The following MAMDC4 variants were observed in gnomAD, a reference collection of about 807,000 sequenced individuals.
The protein encoded by MAMDC4 is apical endosomal glycoprotein.
Under a neutral mutation model 153.3 loss-of-function variants are expected in MAMDC4, and 168 were observed. The observed-to-expected ratio is 1.10, with a 90% confidence interval of 0.97 to 1.25. MAMDC4 has a LOEUF of 1.25. MAMDC4 is among the 50% of genes most tolerant of loss of function. The probability of loss-of-function intolerance (pLI) is 0.00; values close to 1 mark genes in which losing one functional copy is unlikely to be tolerated. For missense variants in MAMDC4, 1,701 were observed against 1,542.8 expected, an observed-to-expected ratio of 1.10 and a Z score of -1.72; for synonymous variants, 744 against 651.5, an observed-to-expected ratio of 1.14 and a Z score of -2.16.
At chr9:136,854,357 C>T in intron 7 of MAMDC4, 21 bp downstream of exon 7, 1 of 1,525,278 alleles carries the variant, frequency 6.6e-7, no homozygotes, top group Non-Finnish European at 8.8e-7. Flanking sequence ...AGTGGGGGCC[C>T]AGAGTGAGGC....
Position 136,858,006 on chromosome 9 carries a change from G to C in MAMDC4, c.2492G>C (p.Arg831Pro). The change falls in exon 20 of 27, where the codon CGC becomes CCC. Residue 831 changes from arginine (R) to proline (P), a missense_variant. Physicochemically the swap from Arg to Pro is moderately radical, Grantham distance 103. Transcript: ENST00000317446. ...ACCCTGCGGGTCTACCTGGAGGAGC[G>C]CGGGAGGCACCAGGTGCTCAGCCTC... ...PGTLRVYLEE[R>P]GRHQVLSLSA... The C allele has an allele frequency of 1.3e-6, 2 of 1,524,058 alleles. No homozygotes were observed. The highest frequency in any genetic ancestry group is 1.8e-6 in the Non-Finnish European group (2 of 1,139,276). The allele number at this position is 1,524,058 out of a possible 1,614,324, so 94.4% of individuals were successfully genotyped here.
At chr9:136,852,953 G>A (rs529022497) in intron 1 of MAMDC4, 149 bp from the exon 2 acceptor site, 275 of 670,578 alleles carry the variant, frequency 4.1e-4, no homozygotes, top group Admixed American at 9.7e-4. Flanking sequence ...GGAGTTCTCT[G>A]TGGGTCCCAG....
Position 136,859,241 on chromosome 9 carries a change from A to T in MAMDC4, c.3117A>T (p.Pro1039=). The change falls in exon 25 of 27, where the codon CCA becomes CCT. Residue 1039 remains proline (P), a synonymous_variant. Transcript: ENST00000317446. ...TTGAAGCCACTCTGGGCGGCCAGCC[A>T]GCCCTGGGGCCCATTGCCCTGGATG... ...IVFEATLGGQ[P]ALGPIALDDV... is the part of the protein sequence containing the mutation. The T allele has an allele frequency of 6.2e-7, 1 of 1,612,062 alleles. No homozygotes were observed. Among genetic ancestry groups the T allele is most frequent in the South Asian group, 1.1e-5 (1 of 90,982 alleles).
chr9:136,859,117 T>C lies in MAMDC4; in HGVS notation c.3069T>C (p.Ser1023=). ...TGGAGGCCCAGGTGGAGGTAGCCAGTGCCAAGGAGTTCCAGGTGAGGCTGG... is the reference window on the plus strand; with the variant it reads ...TGGAGGCCCAGGTGGAGGTAGCCAGCGCCAAGGAGTTCCAGGTGAGGCTGG... ...QWLEAQVEVA[S]AKEFQIVFEA... The change falls in exon 24 of 27, where the codon AGT becomes AGC. Residue 1023 remains serine, a synonymous_variant. Coordinates refer to ENST00000317446, the MANE Select transcript of MAMDC4 (RefSeq NM_206920.3). The C allele has an allele frequency of 6.4e-7, 1 of 1,558,812 alleles. No individual in the cohort carries two copies. The highest frequency in any genetic ancestry group is 8.7e-7 in the Non-Finnish European group (1 of 1,151,856).
intron 9 of MAMDC4, 34 bp from the exon 10 acceptor site, chr9:136,854,903 G>T: frequency 6.2e-7 from 1 of 1,612,510 alleles, no homozygotes; most frequent in Non-Finnish European, 8.5e-7. Flanking sequence ...TGGCTGCCCC[G>T]GTGCAGGCCC....
At chr9:136,856,232 C>T (rs1231460061) in intron 14 of MAMDC4, 83 bp downstream of exon 14, 3 of 1,600,902 alleles carry the variant, frequency 1.9e-6, no homozygotes, top group African/African-American at 1.3e-5. Context: ...GGGTGACCCA[C>T]AGTGCCCCCC....
Position 136,857,968 on chromosome 9 carries a change from C to G in MAMDC4, c.2465-11C>G. On this transcript the variant is annotated splice_polypyrimidine_tract_variant and intron_variant, in intron 19 of 26. Transcript: ENST00000317446. ...CCCCACACTGCTGACCTGGGCCGCCCCTGCTGGCAGGCACCCTGCGGGTCT... is the reference window on the plus strand; with the variant it reads ...CCCCACACTGCTGACCTGGGCCGCCGCTGCTGGCAGGCACCCTGCGGGTCT... 3 of 1,499,024 alleles carry G rather than the reference C, an allele frequency of 2.0e-6. No individual in the cohort carries two copies. The highest frequency in any genetic ancestry group is 8.9e-7 in the Non-Finnish European group (1 of 1,128,178). 92.9% of individuals were successfully genotyped at this position (1,499,024 alleles called of 1,614,324 possible).
chr9:136,859,803 G>A (rs955621846), intron 25 of MAMDC4, 83 bp from the exon 26 acceptor site: 2 of 1,459,106 alleles, frequency 1.4e-6, no homozygotes, highest in East Asian at 2.3e-5. Context: ...CAGAGGCTGA[G>A]GGACCATGCA....
chr9:136,858,147 C>T (rs1291324769), intron 20 of MAMDC4, 39 bp from the exon 21 acceptor site: 1 of 1,541,678 alleles, frequency 6.5e-7, no homozygotes, highest in Non-Finnish European at 8.7e-7. Context: ...CCGAGGGCTG[C>T]CTGGACCCGC....
Position 136,859,928 on chromosome 9 carries a change from G to C in MAMDC4, c.3236G>C (p.Ser1079Thr), listed in dbSNP as rs769499317. The C allele has an allele frequency of 5.0e-6, 8 of 1,612,768 alleles. No individual in the cohort carries two copies. In the East Asian group the frequency reaches 1.6e-4, roughly 31 times the overall value. ...APGSVPAVVG[S>T]ALLLLMLLVL... ...GGGTCTGTGCCAGCTGTGGTTGGCA[G>C]TGCCCTCCTATTGCTCATGCTCCTG... is the stretch of plus-strand genomic sequence containing the variant. Residue 1079 changes from serine to threonine, a missense_variant, in exon 26 of 27, where the codon AGT (serine) becomes ACT (threonine). By Grantham distance (58) the Ser-to-Thr change is moderately conservative (BLOSUM62 1). Transcript: ENST00000317446.
Position 136,856,905 on chromosome 9 carries a change from A to G in MAMDC4, c.1838-2A>G. ...TGCAGCACAGCCCCATGCCCCCTGC[A>G]GGCCACTTTGTGCTCCTGGACCCCA... is the stretch of plus-strand genomic sequence containing the variant. On this transcript the variant is annotated splice_acceptor_variant, in intron 15 of 26. Coordinates refer to ENST00000317446, the MANE Select transcript of MAMDC4 (RefSeq NM_206920.3). LOFTEE classifies it high-confidence loss of function. 6.2e-7 allele frequency: 1 copy of G among 1,609,538 alleles called. No homozygotes were observed. The highest frequency in any genetic ancestry group is 8.5e-7 in the Non-Finnish European group (1 of 1,177,498).
intron 3 of MAMDC4, 24 bp from the exon 4 acceptor site, chr9:136,853,521 C>T (rs1306089052): frequency 6.2e-7 from 1 of 1,612,572 alleles, no homozygotes; most frequent in African/African-American, 1.3e-5. Context: ...CCTGCCCCGT[C>T]TCCTGACCTC....
Position 136,854,767 on chromosome 9 carries a change from T to C in MAMDC4, c.940T>C (p.Phe314Leu), listed in dbSNP as rs752401048. Residue 314 changes from phenylalanine (F) to leucine (L), a missense_variant, in exon 9 of 27, where the codon TTC (phenylalanine) becomes CTC (leucine). Phe to Leu is a conservative substitution (Grantham distance 22). Coordinates refer to ENST00000317446, the MANE Select transcript of MAMDC4 (RefSeq NM_206920.3). ...ACTCCCGTCCTTTCCCGCAGGCTCC[T>C]TCCTGGTCTCCGTGGCCGAGCCTGG... The part of the protein sequence containing the change: ...DHSRNSAQGS[F>L]LVSVAEPGTP... 6.2e-7 allele frequency: 1 copy of C among 1,612,710 alleles called. No homozygotes were observed. The highest frequency in any genetic ancestry group is 8.5e-7 in the Non-Finnish European group (1 of 1,179,844).
intron 25 of MAMDC4, 43 bp downstream of exon 25, chr9:136,859,360 G>A: frequency 1.3e-6 from 2 of 1,541,616 alleles, no homozygotes; most frequent in Non-Finnish European, 8.8e-7. Context: ...AGGGCCCAAG[G>A]GGCCAGCCTG....
chr9:136,857,314 C>A lies in MAMDC4; in HGVS notation c.2106+16C>A. 6.2e-7 allele frequency: 1 copy of A among 1,606,142 alleles called. No individual in the cohort carries two copies. The highest frequency in any genetic ancestry group is 8.5e-7 in the Non-Finnish European group (1 of 1,177,514). ...CCAGTACCAGGTGAGGCCTGGCACC[C>A]GGGTGGGAGGACAGGGCAGGGCCCC... On this transcript the variant is annotated intron_variant, in intron 17 of 26. Transcript: ENST00000317446.
chr9:136,860,171 G>A (rs1437964769), intron 26 of MAMDC4, 107 bp downstream of exon 26: 2 of 1,288,564 alleles, frequency 1.6e-6, no homozygotes, highest in Admixed American at 2.7e-5. Flanking sequence ...CCCCACCTGT[G>A]CAAGGCCCAT....
rs1261482356 is a variant in MAMDC4, at chr9:136,859,033, C to T, written c.2985C>T (p.His995=). ...FYKGELKVLL[H]SAQGQLAVWG... Reference sequence around the variant, plus strand: ...AGGGGGAGCTGAAGGTACTGCTGCACAGTGCTCAGGGCCAGCTGGCTGTGT... The same window carrying T: ...AGGGGGAGCTGAAGGTACTGCTGCATAGTGCTCAGGGCCAGCTGGCTGTGT... The change falls in exon 24 of 27, where the codon CAC becomes CAT. Residue 995 remains histidine, a synonymous_variant. Coordinates refer to ENST00000317446, the MANE Select transcript of MAMDC4 (RefSeq NM_206920.3). 1.3e-6 allele frequency: 2 copies of T among 1,550,724 alleles called. No individual in the cohort carries two copies. The highest frequency in any genetic ancestry group is 2.4e-5 in the South Asian group (2 of 84,076).
chr9:136,858,847 C>T lies in MAMDC4; in HGVS notation c.2950C>T (p.His984Tyr), dbSNP rs373460156. 221 of 1,607,758 alleles carry T rather than the reference C, an allele frequency of 1.4e-4. No individual in the cohort carries two copies. The highest frequency in any genetic ancestry group is 1.8e-4 in the Non-Finnish European group (215 of 1,177,430). Residue 984 changes from histidine (H) to tyrosine (Y), a missense_variant, in exon 23 of 27, where the codon CAC becomes TAC. Transcript: ENST00000317446. ...CTGGTACCACATGGGTTTTCCTGAGCACTTCTGTGAGTCCGGCTGGGCCAA... is the reference window on the plus strand; with the variant it reads ...CTGGTACCACATGGGTTTTCCTGAGTACTTCTGTGAGTCCGGCTGGGCCAA... The part of the protein sequence containing the change: ...RFWYHMGFPE[H>Y]FYKGELKVLL...
At chr9:136,860,197 C>T in intron 26 of MAMDC4, 133 bp downstream of exon 26, 1 of 1,068,184 alleles carries the variant, frequency 9.4e-7, no homozygotes, top group South Asian at 1.7e-5. Flanking sequence ...CCCTCCCTGC[C>T]CTGCCTCTCC....
Sources: gnomAD v4.1 joint callset for allele counts on GRCh38, gnomAD v4.1.1 for gene constraint, MANE v1.5 for transcripts, NCBI Gene and HGNC (gene_info 2026-07-23, HGNC 2026-07-21) for gene names.